The following MED27 variants were observed in gnomAD, a reference collection of about 807,000 sequenced individuals.
The protein encoded by MED27 is mediator complex subunit 27.
Under a neutral mutation model 38.2 loss-of-function variants are expected in MED27, and 30 were observed. That is an observed-to-expected ratio of 0.79 (90% CI 0.59 to 1.07). The LOEUF (loss-of-function observed/expected upper bound fraction) is 1.07, where lower values mean the gene tolerates loss of function less well. Among genes scored for constraint, MED27 ranks in the 50% least tolerant of loss-of-function variants. MED27 has a pLI of 0.00. For missense variants in MED27, 289 were observed against 397.5 expected, an observed-to-expected ratio of 0.73 and a Z score of 2.32; for synonymous variants, 122 against 153.5, an observed-to-expected ratio of 0.79 and a Z score of 1.52.
intron 3 of MED27, among the ~76,000 whole-genome samples, chr9:131,941,709 A>ATC (rs1391204653): frequency 6.6e-6 from 1 of 151,702 alleles, no homozygotes; most frequent in South Asian, 2.1e-4. Flanking sequence ...ACCAAACAGC[A>ATC]TCTCCTATCT....
chr9:132,066,218 C>T (rs918246502), intron 2 of MED27, among the ~76,000 whole-genome samples: 1 of 152,242 alleles, frequency 6.6e-6, no homozygotes, highest in Non-Finnish European at 1.5e-5. Context: ...CTGAGCTAAG[C>T]TCTGCTTGGT....
chr9:131,892,570 A>G (rs1471489592), intron 5 of MED27, among the ~76,000 whole-genome samples: 1 of 152,176 alleles, frequency 6.6e-6, no homozygotes, highest in African/African-American at 2.4e-5. Context: ...TTCGTTTGTA[A>G]GTCCTTGGCA....
chr9:132,036,276 T>C (rs1050256575), intron 2 of MED27, among the ~76,000 whole-genome samples: 10 of 152,112 alleles, frequency 6.6e-5, no homozygotes, highest in African/African-American at 2.4e-4. Flanking sequence ...AGATCACAGC[T>C]CACTGCAGCC....
At chr9:131,900,407 T>C (rs1267339632) in intron 4 of MED27, among the ~76,000 whole-genome samples, 2 of 152,206 alleles carry the variant, frequency 1.3e-5, no homozygotes, top group Non-Finnish European at 2.9e-5. Flanking sequence ...AGAAAAAGTA[T>C]TTAGTTCAGC....
At chr9:131,925,483 T>C (rs975711579) in intron 4 of MED27, among the ~76,000 whole-genome samples, 61 of 152,154 alleles carry the variant, frequency 4.0e-4, no homozygotes, top group Admixed American at 2.6e-3. Flanking sequence ...TGACCATTGA[T>C]TGAAAAATGG....
chr9:131,975,680 C>T lies in MED27; in HGVS notation c.480-36206G>A, dbSNP rs930283506. Among the ~76,000 whole-genome samples the T allele has an allele frequency of 3.3e-5, 5 of 152,124 alleles. No individual in the cohort carries two copies. The East Asian group carries it at 5.8e-4, about 18-fold the overall frequency. ...TTAACGGCTTAGAGAAGCAGAGTAACGCAAATATGTAATAACTGATGAGAA... is the reference window on the plus strand; with the variant it reads ...TTAACGGCTTAGAGAAGCAGAGTAATGCAAATATGTAATAACTGATGAGAA... On this transcript the variant is annotated intron_variant, in intron 3 of 7. Transcript: ENST00000292035.
chr9:131,931,390 C>T (rs564224104), intron 4 of MED27, among the ~76,000 whole-genome samples: 6 of 151,814 alleles, frequency 4.0e-5, no homozygotes, highest in African/African-American at 1.4e-4. Context: ...TTAAATCATA[C>T]CACCAGAGAA....
intron 2 of MED27, among the ~76,000 whole-genome samples, chr9:132,057,859 C>T (rs186269651): frequency 6.6e-5 from 10 of 152,230 alleles, no homozygotes; most frequent in Non-Finnish European, 1.2e-4. Flanking sequence ...GAGTGGAGCC[C>T]GGTGAAATGG....
rs1269571202 is a variant in MED27, at chr9:131,889,628, G to A, written c.681+4257C>T. On this transcript the variant is annotated intron_variant, in intron 5 of 7. Transcript: ENST00000292035. This position sits in a 1 kb window ranked among gnomAD's most constrained non-coding sequence, Gnocchi z 4.2. ...ACAGGATGCTAGGGTCATGGCGGTGGTTGTTAGAGCAAAGTGCAAAGTGCA... is the reference window on the plus strand; with the variant it reads ...ACAGGATGCTAGGGTCATGGCGGTGATTGTTAGAGCAAAGTGCAAAGTGCA... Among the ~76,000 whole-genome samples the A allele has an allele frequency of 6.6e-6, 1 of 152,182 alleles. No individual in the cohort carries two copies. The highest frequency in any genetic ancestry group is 6.5e-5 in the Admixed American group (1 of 15,292).
At chr9:131,900,782 A>G (rs764762560) in intron 4 of MED27, among the ~76,000 whole-genome samples, 1 of 152,046 alleles carries the variant, frequency 6.6e-6, no homozygotes, top group Non-Finnish European at 1.5e-5. Flanking sequence ...AAAGAATTAA[A>G]AAGAAGCCAA....
chr9:131,979,256 C>T (rs1441077866), intron 3 of MED27, among the ~76,000 whole-genome samples: 1 of 152,130 alleles, frequency 6.6e-6, no homozygotes, highest in African/African-American at 2.4e-5. Context: ...CCTAACACCT[C>T]CCTCTTTGCC....
chr9:131,939,893 T>C (rs1269673416), intron 3 of MED27, among the ~76,000 whole-genome samples: 1 of 151,374 alleles, frequency 6.6e-6, no homozygotes, highest in Non-Finnish European at 1.5e-5. Flanking sequence ...CAGGATTAAA[T>C]TCCTTCCTTT....
At chr9:131,904,695 C>T (rs1830021397) in intron 4 of MED27, among the ~76,000 whole-genome samples, 1 of 152,060 alleles carries the variant, frequency 6.6e-6, no homozygotes, top group Admixed American at 6.6e-5. Flanking sequence ...ATTCCACTCA[C>T]GAGTGAACTG....
At chr9:132,048,423 T>A (rs764971722) in intron 2 of MED27, among the ~76,000 whole-genome samples, 2 of 152,160 alleles carry the variant, frequency 1.3e-5, no homozygotes, top group Non-Finnish European at 2.9e-5. Context: ...AGACCATTCC[T>A]CCTTATTAGG....
At chr9:131,891,418 A>G (rs1564271066) in intron 5 of MED27, among the ~76,000 whole-genome samples, 1 of 152,248 alleles carries the variant, frequency 6.6e-6, no homozygotes, top group African/African-American at 2.4e-5. Flanking sequence ...ATTCTACAAA[A>G]TGGCAATGTC....
chr9:132,020,262 C>A (rs1371315281), intron 2 of MED27, among the ~76,000 whole-genome samples: 9 of 152,154 alleles, frequency 5.9e-5, no homozygotes, highest in Non-Finnish European at 7.3e-5. Context: ...AGCAAGGACA[C>A]CAGTGCCACT....
chr9:131,953,818 CTT>C (rs35830214), intron 3 of MED27, among the ~76,000 whole-genome samples: 7,211 of 135,208 alleles, frequency 0.053, 489 homozygotes, highest in African/African-American at 0.17. Context: ...ACTTTTATAT[CTT>C]TTTTTTTTTT....
intron 2 of MED27, among the ~76,000 whole-genome samples, chr9:132,070,801 C>A (rs1013738392): frequency 2.0e-5 from 3 of 152,012 alleles, no homozygotes; most frequent in Non-Finnish European, 4.4e-5. Context: ...CTCCCACACC[C>A]CCCACCAAAC....
chr9:131,900,469 T>C (rs1297707164), intron 4 of MED27, among the ~76,000 whole-genome samples: 1 of 152,246 alleles, frequency 6.6e-6, no homozygotes, highest in Non-Finnish European at 1.5e-5. Flanking sequence ...GTTGAAATGA[T>C]ATCTCTACTG....
Sources: allele counts gnomAD v4.1 joint callset (sites outside exome capture counted in the v4.1 genomes callset), GRCh38; gene constraint gnomAD v4.1.1; non-coding constraint Gnocchi (gnomAD v3.1); transcripts MANE v1.5; gene names NCBI Gene and HGNC (gene_info 2026-07-23, HGNC 2026-07-21).